UHRF2: variants seen among roughly 807,000 people sequenced by gnomAD.
UHRF2 encodes ubiquitin like with PHD and ring finger domains 2, also known as E3 ubiquitin-protein ligase UHRF2.
UHRF2 carries 23 observed loss-of-function variants against 96.8 expected under a neutral mutation model. That is an observed-to-expected ratio of 0.24 (90% confidence interval 0.17 to 0.34). UHRF2 has a LOEUF of 0.34. Ranked by LOEUF, UHRF2 falls within the 10% of genes least tolerant of loss-of-function variation. The probability of loss-of-function intolerance (pLI) is 1.00; values close to 1 mark genes in which losing one functional copy is unlikely to be tolerated. For missense variants in UHRF2, 685 were observed against 981.5 expected (o/e 0.70, Z 4.04); for synonymous variants, 385 against 332.6 (o/e 1.16, Z -1.72).
chr9:6,433,894 T>G lies in UHRF2; in HGVS notation c.385-20T>G. ...GTAGACAAAATTAAGCTTCATTAACTGATTTTAAACTTTTTTTAGGTAAAT... is the reference window on the plus strand; with the variant it reads ...GTAGACAAAATTAAGCTTCATTAACGGATTTTAAACTTTTTTTAGGTAAAT... On this transcript the variant is annotated intron_variant, in intron 2 of 15. Coordinates refer to ENST00000276893, the MANE Select transcript of UHRF2 (RefSeq NM_152896.3). 1 of 1,593,164 alleles carries G rather than the reference T, an allele frequency of 6.3e-7. No homozygotes were observed. The highest frequency in any genetic ancestry group is 8.6e-7 in the Non-Finnish European group (1 of 1,166,174).
chr9:6,413,598 C>T lies in UHRF2; in HGVS notation c.108C>T (p.Phe36=), dbSNP rs1215700107. ...TGCGCGAGCGGGTGTGGGCGCTGTT[C>T]GACGTGCGGCCCGAATGCCAGCGCC... is the stretch of plus-strand genomic sequence containing the variant. The part of the protein sequence containing the change: ...EELRERVWAL[F]DVRPECQRLF... Residue 36 remains phenylalanine, a synonymous_variant, in exon 1 of 16, where the codon TTC becomes TTT. Coordinates refer to ENST00000276893, the MANE Select transcript of UHRF2 (RefSeq NM_152896.3). 2.5e-6 allele frequency: 4 copies of T among 1,600,826 alleles called. No homozygotes were observed. In the African/African-American group the frequency reaches 4.1e-5, roughly 16 times the overall value.
intron 7 of UHRF2, 76 bp from the exon 8 acceptor site, chr9:6,481,916 G>A (rs778172281): frequency 1.7e-5 from 26 of 1,562,722 alleles, no homozygotes; most frequent in Non-Finnish European, 2.3e-5. Context: ...TGGGTTCCTA[G>A]TCACATCTCA....
chr9:6,418,315 C>G (rs561261777), intron 1 of UHRF2, among the ~76,000 whole-genome samples: 1 of 145,846 alleles, frequency 6.9e-6, no homozygotes. Flanking sequence ...CTATCCTTAT[C>G]AGGGCTTACT....
chr9:6,499,972 TTTGTTG>T, intron 13 of UHRF2, 41 bp downstream of exon 13: 2 of 1,438,756 alleles, frequency 1.4e-6, no homozygotes, highest in Non-Finnish European at 1.9e-6. Flanking sequence ...ATAACATACT[TTTGTTG>T]TTGTTGTTGT....
Position 6,453,004 on chromosome 9 carries a change from T to G in UHRF2, c.645-7569T>G, listed in dbSNP as rs561228778. ...CTGTTTTTTTGTTTTTTCTTCCCCCTAGCAATTGACTTACTGTCTCCTTGG... is the reference window on the plus strand; with the variant it reads ...CTGTTTTTTTGTTTTTTCTTCCCCCGAGCAATTGACTTACTGTCTCCTTGG... On this transcript the variant is annotated intron_variant, in intron 3 of 15. Coordinates refer to ENST00000276893, the MANE Select transcript of UHRF2 (RefSeq NM_152896.3). Among the ~76,000 whole-genome samples the G allele has an allele frequency of 2.6e-5, 4 of 152,296 alleles. No homozygotes were observed. In the South Asian group the frequency reaches 8.3e-4, roughly 32 times the overall value.
At chr9:6,430,209 C>A (rs551874855) in intron 2 of UHRF2, among the ~76,000 whole-genome samples, 1 of 152,274 alleles carries the variant, frequency 6.6e-6, no homozygotes, top group African/African-American at 2.4e-5. Context: ...AGGGTTTCGC[C>A]ATGTTTGCCG....
In UHRF2 at chr9:6,413,371, G is replaced by GCGCT; in HGVS notation, c.-116_-113dup. The stretch of plus-strand genomic sequence containing the variant: ...CCGGCGTCCGGTCGGTCCGGTGGGC[G>GCGCT]CGCTCGCCCGCCTGCCGCTGAGGGC... On this transcript the variant is annotated 5_prime_UTR_variant, in exon 1 of 16. Transcript: ENST00000276893. 1 of 1,050,826 alleles carries GCGCT rather than the reference G, an allele frequency of 9.5e-7. No individual in the cohort carries two copies. The highest frequency in any genetic ancestry group is 1.2e-6 in the Non-Finnish European group (1 of 836,260). The allele number at this position is 1,050,826 out of a possible 1,614,324, so 65.1% of individuals were successfully genotyped here.
At chr9:6,451,540 G>A (rs1220171429) in intron 3 of UHRF2, among the ~76,000 whole-genome samples, 9 of 151,022 alleles carry the variant, frequency 6.0e-5, no homozygotes, top group Admixed American at 1.3e-4. Flanking sequence ...GCAGTGGCGC[G>A]ATCTCGGCTC....
At chr9:6,480,494 G>A (rs1823859518) in intron 6 of UHRF2, among the ~76,000 whole-genome samples, 1 of 152,146 alleles carries the variant, frequency 6.6e-6, no homozygotes, top group African/African-American at 2.4e-5. Context: ...GTATTACTCT[G>A]GAATATATCT....
At chr9:6,468,736 A>C (rs1240627563) in intron 4 of UHRF2, 1 of 454,246 alleles carries the variant, frequency 2.2e-6, no homozygotes, top group Admixed American at 2.4e-5. Context: ...CAGTCTTAGA[A>C]GGCATACACT....
chr9:6,453,464 C>T (rs1348770972), intron 3 of UHRF2, among the ~76,000 whole-genome samples: 1 of 152,054 alleles, frequency 6.6e-6, no homozygotes, highest in East Asian at 1.9e-4. Context: ...CTTACATGGA[C>T]TTAAGAATAT....
intron 3 of UHRF2, among the ~76,000 whole-genome samples, chr9:6,446,071 C>T (rs1821483335): frequency 6.8e-6 from 1 of 146,354 alleles, no homozygotes; most frequent in South Asian, 2.2e-4. Context: ...CGGCTCACTG[C>T]TGCCTTGACT....
chr9:6,445,380 C>T (rs1821425864), intron 3 of UHRF2, among the ~76,000 whole-genome samples: 1 of 152,090 alleles, frequency 6.6e-6, no homozygotes, highest in Non-Finnish European at 1.5e-5. Flanking sequence ...TCTCCTGCTT[C>T]AGCCTCCTGA....
chr9:6,439,299 C>T (rs1468671301), intron 3 of UHRF2, among the ~76,000 whole-genome samples: 1 of 152,198 alleles, frequency 6.6e-6, no homozygotes, highest in Non-Finnish European at 1.5e-5. Flanking sequence ...ATTCTCCTGT[C>T]TCAGCCTCCT....
intron 2 of UHRF2, 73 bp from the exon 3 acceptor site, chr9:6,433,841 C>T: frequency 6.7e-7 from 1 of 1,491,264 alleles, no homozygotes; most frequent in Non-Finnish European, 9.1e-7. Flanking sequence ...CCACAAATAA[C>T]TTGAGTTACA....
chr9:6,501,486 ACT>A (rs1429776412), intron 14 of UHRF2, among the ~76,000 whole-genome samples: 1 of 152,142 alleles, frequency 6.6e-6, no homozygotes, highest in Non-Finnish European at 1.5e-5. Context: ...CAACACAAAA[ACT>A]CTACAGAGTT....
chr9:6,451,576 C>A (rs564707335), intron 3 of UHRF2, among the ~76,000 whole-genome samples: 44 of 151,462 alleles, frequency 2.9e-4, no homozygotes, highest in African/African-American at 1.0e-3. Context: ...CCCCGGGGTT[C>A]ACACCATTCT....
intron 3 of UHRF2, among the ~76,000 whole-genome samples, chr9:6,439,337 G>A (rs574813275): frequency 1.3e-5 from 2 of 152,246 alleles, no homozygotes; most frequent in African/African-American, 2.4e-5. Context: ...CACCACGCCC[G>A]GCTAATTTTT....
intron 10 of UHRF2, 149 bp from the exon 11 acceptor site, chr9:6,497,049 C>A: frequency 2.6e-6 from 2 of 767,290 alleles, no homozygotes; most frequent in Non-Finnish European, 4.0e-6. Context: ...TGGGGGAAAG[C>A]ATAATCCTAT....
Sources: gnomAD v4.1 joint callset for allele counts (sites outside exome capture counted in the v4.1 genomes callset) on GRCh38, gnomAD v4.1.1 for gene constraint, MANE v1.5 for transcripts, NCBI Gene and HGNC (gene_info 2026-07-23, HGNC 2026-07-21) for gene names.